The following PDXDC1 variants were observed in gnomAD, a reference collection of about 807,000 sequenced individuals.
PDXDC1 encodes the protein pyridoxal-dependent decarboxylase domain-containing protein 1.
PDXDC1 carries 42 observed loss-of-function variants against 100.1 expected under a neutral mutation model. That is an observed-to-expected ratio of 0.42 (90% CI 0.33 to 0.54). The LOEUF (loss-of-function observed/expected upper bound fraction) is 0.54, where lower values mean the gene tolerates loss of function less well. Ranked by LOEUF, PDXDC1 falls within the 20% of genes least tolerant of loss-of-function variation. The pLI, the probability that PDXDC1 is intolerant of heterozygous loss-of-function variation, is 0.10. For synonymous variants in PDXDC1, 260 were observed against 371.7 expected (o/e 0.70, Z 3.46); for missense variants, 636 against 979.2 (o/e 0.65, Z 4.68).
chr16:15,090,391 A>G (rs1288373434), intron 16 of PDXDC1, among the ~76,000 whole-genome samples: 1 of 152,228 alleles, frequency 6.6e-6, no homozygotes, highest in African/African-American at 2.4e-5. Flanking sequence ...AGACTGTTCT[A>G]AGTGCTTCTT....
Position 15,036,132 on chromosome 16 carries a change from A to G in PDXDC1, c.2224A>G (p.Ile742Val), listed in dbSNP as rs868422764. Reference sequence around the variant, plus strand: ...GCGCCTATCCAGTGGGCCGGAGCAGATCACCCTCGAGGCCAGCAGCACTGA... The same window carrying G: ...GCGCCTATCCAGTGGGCCGGAGCAGGTCACCCTCGAGGCCAGCAGCACTGA... ...VERLSSGPEQ[I>V]TLEASSTEGH... Residue 742 changes from isoleucine (I) to valine (V), a missense_variant, in exon 23 of 23, where the codon ATC (isoleucine) becomes GTC (valine). Transcript: ENST00000396410. 6.2e-7 allele frequency: 1 copy of G among 1,614,134 alleles called. No homozygotes were observed.
At chr16:15,059,544 G>A (rs1567177619) in intron 16 of PDXDC1, among the ~76,000 whole-genome samples, 1 of 152,108 alleles carries the variant, frequency 6.6e-6, no homozygotes, top group Non-Finnish European at 1.5e-5. Context: ...CAAACAGCTA[G>A]CTAGGAAAGG....
chr16:15,074,612 T>C (rs1181337904), intron 16 of PDXDC1: 4 of 745,150 alleles, frequency 5.4e-6, no homozygotes, highest in African/African-American at 1.8e-5. Flanking sequence ...TCATACTCAA[T>C]AGATATTTTT....
At chr16:15,131,555 C>T (rs1164420675) in intron 16 of PDXDC1, 5 of 1,609,356 alleles carry the variant, frequency 3.1e-6, no homozygotes, top group Non-Finnish European at 4.2e-6. Context: ...GTCAGGGGCT[C>T]CTCGTTGAGC....
rs1967677561 is a variant in PDXDC1, at chr16:14,980,362, C to A, written c.21+5142C>A. 3.3e-5 allele frequency among the ~76,000 whole-genome samples: 5 copies of A among 152,382 alleles called. No individual in the cohort carries two copies. The South Asian group carries it at 1.0e-3, about 32-fold the overall frequency. ...CCAGGCTGGAGTGCAGTGGTGCGAT[C>A]TCAGCTCTATGCGACCTCTGCCCCA... On this transcript the variant is annotated intron_variant, in intron 1 of 22. Coordinates refer to ENST00000396410, the MANE Select transcript of PDXDC1 (RefSeq NM_015027.4).
intron 16 of PDXDC1, among the ~76,000 whole-genome samples, chr16:15,081,537 C>T (rs1398863133): frequency 6.6e-6 from 1 of 152,108 alleles, no homozygotes; most frequent in Non-Finnish European, 1.5e-5. Flanking sequence ...GCTATTTGCC[C>T]TTTTATTATT....
At chr16:15,133,783 G>A in intron 16 of PDXDC1, 4 of 1,588,356 alleles carry the variant, frequency 2.5e-6, no homozygotes, top group South Asian at 2.2e-5. Flanking sequence ...CCCTAAGCAG[G>A]CCTGTACTCA....
intron 5 of PDXDC1, among the ~76,000 whole-genome samples, chr16:15,004,569 T>C (rs1219256111): frequency 1.3e-5 from 2 of 152,284 alleles, no homozygotes; most frequent in African/African-American, 4.8e-5. Context: ...GGGTGGAGAA[T>C]AGAAGCACAT....
At chr16:15,095,840 C>T (rs1460332821) in intron 16 of PDXDC1, among the ~76,000 whole-genome samples, 3 of 143,334 alleles carry the variant, frequency 2.1e-5, no homozygotes, top group African/African-American at 7.7e-5. Flanking sequence ...ACGAGTGAAA[C>T]TGTGTCTCAA....
At chr16:15,019,308 G>A (rs867918604) in intron 12 of PDXDC1, among the ~76,000 whole-genome samples, 228 of 152,326 alleles carry the variant, frequency 1.5e-3, no homozygotes, top group Middle Eastern at 6.9e-3. Flanking sequence ...GACTGACTAC[G>A]GTGAGGGAAT....
At chr16:15,064,667 G>A (rs1225682455) in intron 16 of PDXDC1, among the ~76,000 whole-genome samples, 1 of 152,184 alleles carries the variant, frequency 6.6e-6, no homozygotes, top group Non-Finnish European at 1.5e-5. Flanking sequence ...AACCCTTGAT[G>A]TCAGTCTGGC....
At chr16:15,112,594 T>C (rs1357929343) in intron 16 of PDXDC1, among the ~76,000 whole-genome samples, 4 of 151,800 alleles carry the variant, frequency 2.6e-5, no homozygotes, top group East Asian at 1.9e-4. Context: ...AAAAAAATCA[T>C]GTACTAGGAT....
chr16:15,094,433 A>G, intron 16 of PDXDC1: 1 of 609,608 alleles, frequency 1.6e-6, no homozygotes, highest in East Asian at 2.8e-5. Context: ...TGTTCCAGCC[A>G]GCGCTAGTGC....
intron 16 of PDXDC1, among the ~76,000 whole-genome samples, chr16:15,072,045 T>A (rs1464544826): frequency 6.6e-6 from 1 of 151,978 alleles, no homozygotes; most frequent in Non-Finnish European, 1.5e-5. Context: ...ATTATGCCAA[T>A]CATGGAAAAA....
chr16:15,149,311 GTGTT>G, the PDXDC1 span, among the ~76,000 whole-genome samples: 1 of 152,208 alleles, frequency 6.6e-6, no homozygotes, highest in South Asian at 2.1e-4. Flanking sequence ...AATCATCTGC[GTGTT>G]TGTTGAACGC....
chr16:15,149,575 G>A, the PDXDC1 span, among the ~76,000 whole-genome samples: 3 of 152,170 alleles, frequency 2.0e-5, no homozygotes, highest in South Asian at 2.1e-4. Flanking sequence ...CAGGGGCCCC[G>A]GGGTCTGCGC....
chr16:15,103,669 AATTTTTGT>A (rs1392218607), intron 16 of PDXDC1, among the ~76,000 whole-genome samples: 4 of 119,098 alleles, frequency 3.4e-5, no homozygotes, highest in Non-Finnish European at 7.0e-5. Context: ...ACGCCCAGCT[AATTTTTGT>A]ATTTTTTCAG....
intron 12 of PDXDC1, 132 bp from the exon 13 acceptor site, chr16:15,022,572 C>G (rs1354470515): frequency 1.4e-6 from 1 of 702,616 alleles, no homozygotes; most frequent in African/African-American, 1.8e-5. Context: ...GGTGGCTGAA[C>G]TTAGAAACCA....
chr16:14,986,324 C>T (rs1479072856), intron 1 of PDXDC1, among the ~76,000 whole-genome samples: 1 of 152,266 alleles, frequency 6.6e-6, no homozygotes, highest in Non-Finnish European at 1.5e-5. Flanking sequence ...AAAAAATTAG[C>T]TGGGCGTGAT....
Sources: allele counts gnomAD v4.1 joint callset (sites outside exome capture counted in the v4.1 genomes callset), GRCh38; gene constraint gnomAD v4.1.1; transcripts MANE v1.5; gene names NCBI Gene and HGNC (gene_info 2026-07-23, HGNC 2026-07-21).